The following RUNX3 variants were observed in gnomAD, a reference collection of about 807,000 sequenced individuals.
RUNX3 encodes the protein runt-related transcription factor 3.
In RUNX3, 10 loss-of-function variants were observed where a neutral mutation model predicts 27.7. The observed-to-expected ratio is 0.36, with a 90% CI of 0.22 to 0.61. The LOEUF (loss-of-function observed/expected upper bound fraction) is 0.61, where lower values mean the gene tolerates loss of function less well. Ranked by LOEUF, RUNX3 falls within the 20% of genes least tolerant of loss-of-function variation. The probability of loss-of-function intolerance (pLI) is 0.72; values close to 1 mark genes in which losing one functional copy is unlikely to be tolerated. For missense variants in RUNX3, 469 were observed against 629.5 expected, an observed-to-expected ratio of 0.75 and a Z score of 2.73; for synonymous variants, 270 against 269.2, an observed-to-expected ratio of 1.00 and a Z score of -0.03.
rs931037563 is a variant in RUNX3, at chr1:24,927,307, G to A, written c.439+267C>T. Among the ~76,000 whole-genome samples the A allele has an allele frequency of 2.0e-5, 3 of 152,126 alleles. No homozygotes were observed. Among genetic ancestry groups the A allele is most frequent in the Admixed American group, 6.5e-5 (1 of 15,278 alleles). On this transcript the variant is annotated intron_variant, in intron 2 of 4. Transcript: ENST00000308873. The surrounding 1 kb of genome is among the most constrained non-coding windows in gnomAD (Gnocchi z 5.0). ...TTTGTGAGACCAGGTGTGCTTAACCGGGAAAGAGGGGGTGGCATGAACGGT... is the reference window on the plus strand; with the variant it reads ...TTTGTGAGACCAGGTGTGCTTAACCAGGAAAGAGGGGGTGGCATGAACGGT...
chr1:24,929,191 G>A (rs1333590742), intron 1 of RUNX3: 1 of 488,254 alleles, frequency 2.0e-6, no homozygotes, highest in African/African-American at 1.9e-5. Flanking sequence ...GAGGCGGAGG[G>A]TAGGCCCTTT....
chr1:24,937,024 C>T (rs1040305948), intron 2 of RUNX3, among the ~76,000 whole-genome samples: 13 of 152,342 alleles, frequency 8.5e-5, no homozygotes, highest in Non-Finnish European at 1.3e-4. Context: ...AATGGGCATA[C>T]GGAGGTGGGC....
intron 4 of RUNX3, among the ~76,000 whole-genome samples, chr1:24,905,888 C>T (rs74060468): frequency 0.024 from 3,688 of 152,356 alleles, 113 homozygotes; most frequent in African/African-American, 0.072. Context: ...GGGCTCCTTC[C>T]GCTACCTCTT....
At position 24,943,975 on chromosome 1, in the gene RUNX3, G is replaced by A. The variant is rs1641542970; in HGVS notation, c.59-14123C>T. 6.6e-6 allele frequency among the ~76,000 whole-genome samples: 1 copy of A among 152,180 alleles called. No homozygotes were observed. The highest frequency in any genetic ancestry group is 2.1e-4 in the South Asian group (1 of 4,826). On this transcript the variant is annotated intron_variant, in intron 2 of 6. Transcript: ENST00000338888. The surrounding 1 kb of genome is among the most constrained non-coding windows in gnomAD (Gnocchi z 4.6). ...CACCAGTTCCCTGGTGTTGTGGGAG[G>A]TGAGACTGTGCCCCTCTCTGCCATA...
intron 3 of RUNX3, among the ~76,000 whole-genome samples, chr1:24,913,527 G>A (rs1640833589): frequency 6.6e-6 from 1 of 152,250 alleles, no homozygotes; most frequent in African/African-American, 2.4e-5. Flanking sequence ...AAGGTGTTCT[G>A]GGTTCCCATT....
At chr1:24,932,448 C>A (rs1641253571), upstream of RUNX3, among the ~76,000 whole-genome samples, 1 of 152,012 alleles carries the variant, frequency 6.6e-6, no homozygotes, top group African/African-American at 2.4e-5. Flanking sequence ...CGCGGAGGTG[C>A]GGGCCCGGCC....
At chr1:24,945,191 C>T (rs192896057) in intron 2 of RUNX3, among the ~76,000 whole-genome samples, 74 of 152,236 alleles carry the variant, frequency 4.9e-4, no homozygotes, top group African/African-American at 1.6e-3. Flanking sequence ...ATAATGAACT[C>T]CTTTTTAGTA....
Position 24,899,638 on chromosome 1 carries a change from C to A in RUNX3, c.*2484G>T. 3 of 152,808 alleles carry A rather than the reference C, an allele frequency of 2.0e-5. 1 individual carries two copies. The Middle Eastern group carries it at 0.01, about 520-fold the overall frequency. 9.5% of individuals were successfully genotyped at this position (152,808 alleles called of 1,614,324 possible). A position where few individuals can be genotyped will look rare whatever the true frequency, so the allele number is the denominator to read the frequency against. ...GCGTTAAAAACAAACACCAAGCAAA[C>A]GATAGTGCAAAGCAGTTTCCACCCA... is the stretch of plus-strand genomic sequence containing the variant. On this transcript the variant is annotated 3_prime_UTR_variant, in exon 5 of 5. Coordinates refer to ENST00000308873, the MANE Select transcript of RUNX3 (RefSeq NM_004350.3).
rs998018490 is a variant in RUNX3, at chr1:24,927,141, G to T, written c.439+433C>A. On this transcript the variant is annotated intron_variant, in intron 2 of 4. Transcript: ENST00000308873. This position sits in a 1 kb window ranked among gnomAD's most constrained non-coding sequence, Gnocchi z 5.0. Reference sequence around the variant, plus strand: ...GCTGGAGAGACAGCCTCAGAGTGTGGGGGATATTCTGCCCCCTATGGAGAG... The same window carrying T: ...GCTGGAGAGACAGCCTCAGAGTGTGTGGGATATTCTGCCCCCTATGGAGAG... Among the ~76,000 whole-genome samples, 2 of 152,174 alleles carry T rather than the reference G, an allele frequency of 1.3e-5. No individual in the cohort carries two copies. The highest frequency in any genetic ancestry group is 6.5e-5 in the Admixed American group (1 of 15,280).
chr1:24,905,675 A>G (rs1640650619), intron 4 of RUNX3, among the ~76,000 whole-genome samples: 1 of 152,148 alleles, frequency 6.6e-6, no homozygotes, highest in Non-Finnish European at 1.5e-5. Flanking sequence ...CTCTCCTTCC[A>G]TGGGGGCTGG....
chr1:24,931,924 A>G (rs910213169), upstream of RUNX3, among the ~76,000 whole-genome samples: 1 of 152,076 alleles, frequency 6.6e-6, no homozygotes, highest in Non-Finnish European at 1.5e-5. Context: ...GCGCCCTCGG[A>G]CGCGCTGGCA....
chr1:24,929,696 A>G lies in RUNX3; in HGVS notation c.173T>C (p.Val58Ala). 6.3e-7 allele frequency: 1 copy of G among 1,577,026 alleles called. No homozygotes were observed. The highest frequency in any genetic ancestry group is 8.6e-7 in the Non-Finnish European group (1 of 1,168,892). ...ARPEVRSMVD[V>A]LADHAGELVR... is the part of the protein sequence containing the mutation. ...GAGCTCGCCTGCGTGGTCCGCCAGC[A>G]CGTCCACCATCGAGCGCACCTCGGG... Residue 58 changes from valine to alanine, a missense_variant, in exon 1 of 5, where the codon GTG becomes GCG. Around this residue, in one of 3 missense-constraint regions of RUNX3, gnomAD observed 115 missense variants for 118.0 expected, o/e 0.97. Coordinates refer to ENST00000308873, the MANE Select transcript of RUNX3 (RefSeq NM_004350.3).
intron 2 of RUNX3, among the ~76,000 whole-genome samples, chr1:24,925,531 G>T (rs1460378221): frequency 6.6e-6 from 1 of 152,148 alleles, no homozygotes; most frequent in Non-Finnish European, 1.5e-5. Flanking sequence ...CCATCTCACA[G>T]ATGAGGAAAC....
chr1:24,928,949 T>C (rs997050946), intron 1 of RUNX3: 2 of 423,186 alleles, frequency 4.7e-6, no homozygotes, highest in African/African-American at 4.2e-5. Context: ...AAAATGAAAA[T>C]GAAACAGTCG....
intron 2 of RUNX3, among the ~76,000 whole-genome samples, chr1:24,937,669 G>A (rs924429846): frequency 6.6e-6 from 1 of 152,218 alleles, no homozygotes. Flanking sequence ...CCAGGGGGAT[G>A]GGGATACACA....
rs539877464 is a variant in RUNX3 at position 24,916,143 on chromosome 1, C to A, written c.544+3097G>T. On this transcript the variant is annotated intron_variant, in intron 3 of 4. Transcript: ENST00000308873. This position sits in a 1 kb window ranked among gnomAD's most constrained non-coding sequence, Gnocchi z 4.8. ...AGGACCAGCCCCTACTCCCACTTCA[C>A]CCCACAGCGGGCTCAGATTTCAGAG... Among the ~76,000 whole-genome samples, 11 of 152,316 alleles carry A rather than the reference C, an allele frequency of 7.2e-5. No individual in the cohort carries two copies. The East Asian group carries it at 1.9e-3, about 27-fold the overall frequency.
intron 1 of RUNX3, among the ~76,000 whole-genome samples, chr1:24,928,142 T>C (rs1641135762): frequency 6.6e-6 from 1 of 152,150 alleles, no homozygotes; most frequent in Non-Finnish European, 1.5e-5. Context: ...ACAACAATAA[T>C]AACAACAGGG....
At position 24,899,902 on chromosome 1, in the gene RUNX3, C is replaced by T. The variant is rs1429672677; in HGVS notation, c.*2220G>A. On this transcript the variant is annotated 3_prime_UTR_variant, in exon 5 of 5. Coordinates refer to ENST00000308873, the MANE Select transcript of RUNX3 (RefSeq NM_004350.3). ...TTTTACCAGCCCAGGCTGTCTGTAC[C>T]CACTTTGGGCCTTACAGACTCAGTA... The T allele has an allele frequency of 3.3e-5, 5 of 152,372 alleles. No individual in the cohort carries two copies. Among genetic ancestry groups the T allele is most frequent in the Admixed American group, 6.5e-5 (1 of 15,282 alleles). The allele number at this position is 152,372 out of a possible 1,614,324, so 9.4% of individuals were successfully genotyped here.
chr1:24,936,435 A>G (rs965451478), intron 2 of RUNX3, among the ~76,000 whole-genome samples: 1 of 152,310 alleles, frequency 6.6e-6, no homozygotes, highest in Admixed American at 6.5e-5. Flanking sequence ...AGATGCTCAG[A>G]GTTACAGTCA....
Sources: allele counts gnomAD v4.1 joint callset (sites outside exome capture counted in the v4.1 genomes callset), GRCh38; gene constraint gnomAD v4.1.1; regional missense constraint gnomAD v4.1.1; non-coding constraint Gnocchi (gnomAD v3.1); transcripts MANE v1.5; gene names NCBI Gene and HGNC (gene_info 2026-07-23, HGNC 2026-07-21).